IQGAP2: variants seen among roughly 807,000 people sequenced by gnomAD.
IQGAP2 encodes ras GTPase-activating-like protein IQGAP2.
A neutral mutation model predicts 201.3 loss-of-function variants in IQGAP2; 173 were observed. The observed-to-expected ratio is 0.86, with a 90% CI of 0.76 to 0.98. The LOEUF is 0.98. Among genes scored for constraint, IQGAP2 ranks in the 50% least tolerant of loss-of-function variants. IQGAP2 has a pLI of 0.00. For missense variants in IQGAP2, 1,687 were observed against 1,864.8 expected (o/e 0.90, Z 1.76); for synonymous variants, 675 against 673.9 (o/e 1.00, Z -0.03).
chr5:76,597,750 A>G, intron 10 of IQGAP2, 148 bp downstream of exon 10: 1 of 739,620 alleles, frequency 1.4e-6, no homozygotes, highest in East Asian at 2.7e-5. Context: ...ACCAATTCCA[A>G]GGCCTTCTTC....
chr5:76,516,172 G>T (rs748094423), intron 2 of IQGAP2, among the ~76,000 whole-genome samples: 30 of 152,054 alleles, frequency 2.0e-4, no homozygotes, highest in Non-Finnish European at 4.0e-4. Flanking sequence ...ACTACACCCA[G>T]CCAGGGATGA....
At chr5:76,684,854 T>TA (rs1745603329) in intron 30 of IQGAP2, among the ~76,000 whole-genome samples, 1 of 152,086 alleles carries the variant, frequency 6.6e-6, no homozygotes, top group African/African-American at 2.4e-5. Flanking sequence ...TTTTTTTTTT[T>TA]AAACATTCAA....
At chr5:76,581,534 C>T (rs1240652209) in intron 5 of IQGAP2, among the ~76,000 whole-genome samples, 1 of 152,192 alleles carries the variant, frequency 6.6e-6, no homozygotes, top group Non-Finnish European at 1.5e-5. Context: ...CCCTTTCCTC[C>T]TCTTTCTGTC....
chr5:76,598,972 A>G (rs768893379), intron 10 of IQGAP2, among the ~76,000 whole-genome samples: 1 of 152,206 alleles, frequency 6.6e-6, no homozygotes, highest in Non-Finnish European at 1.5e-5. Context: ...AAAGAAAGTG[A>G]AGTCAGTTAT....
intron 1 of IQGAP2, among the ~76,000 whole-genome samples, chr5:76,447,061 T>A (rs77891660): frequency 6.6e-6 from 1 of 152,222 alleles, no homozygotes; most frequent in African/African-American, 2.4e-5. Flanking sequence ...GGTAGTAACA[T>A]GGGGCATAGC....
chr5:76,427,485 C>T (rs1285968969), intron 1 of IQGAP2, among the ~76,000 whole-genome samples: 1 of 152,140 alleles, frequency 6.6e-6, no homozygotes, highest in Non-Finnish European at 1.5e-5. Context: ...GGTCTTTCTG[C>T]CGGGAATAGG....
At chr5:76,555,497 G>T (rs1205973923) in intron 2 of IQGAP2, among the ~76,000 whole-genome samples, 3 of 152,152 alleles carry the variant, frequency 2.0e-5, no homozygotes, top group Non-Finnish European at 2.9e-5. Context: ...CATTGTGATT[G>T]TTACAGGAAG....
At chr5:76,446,915 C>T (rs1356243566) in intron 1 of IQGAP2, among the ~76,000 whole-genome samples, 1 of 152,104 alleles carries the variant, frequency 6.6e-6, no homozygotes, top group African/African-American at 2.4e-5. Context: ...TTCCCTCTGG[C>T]CTGTGTTTTC....
chr5:76,548,528 T>A (rs138529018), intron 2 of IQGAP2, among the ~76,000 whole-genome samples: 1 of 152,340 alleles, frequency 6.6e-6, no homozygotes, highest in Non-Finnish European at 1.5e-5. Context: ...TTAAGTGATT[T>A]GTCAGAGCAG....
intron 1 of IQGAP2, among the ~76,000 whole-genome samples, chr5:76,428,502 A>G (rs1286116369): frequency 6.7e-6 from 1 of 149,054 alleles, no homozygotes; most frequent in Non-Finnish European, 1.5e-5. Context: ...CAATGGCGCA[A>G]TCTCTGCAAC....
intron 30 of IQGAP2, among the ~76,000 whole-genome samples, chr5:76,684,787 C>T (rs1019201915): frequency 1.2e-4 from 18 of 152,112 alleles, no homozygotes; most frequent in Admixed American, 3.3e-4. Context: ...TCTCCTGCCA[C>T]TGATGTGCTG....
chr5:76,408,205 T>G (rs1750902971), intron 1 of IQGAP2, among the ~76,000 whole-genome samples: 1 of 152,176 alleles, frequency 6.6e-6, no homozygotes, highest in African/African-American at 2.4e-5. Context: ...ATGCTTACCA[T>G]GTCTTCATGG....
intron 3 of IQGAP2, among the ~76,000 whole-genome samples, chr5:76,565,933 C>T (rs1197664646): frequency 3.3e-5 from 5 of 152,126 alleles, no homozygotes; most frequent in Non-Finnish European, 7.4e-5. Context: ...GGAAGCGGTA[C>T]TCTTAATAAA....
chr5:76,498,422 T>C (rs1757102734), intron 2 of IQGAP2, among the ~76,000 whole-genome samples: 1 of 152,204 alleles, frequency 6.6e-6, no homozygotes, highest in African/African-American at 2.4e-5. Flanking sequence ...CCTGAGGTCA[T>C]GTCACACTTC....
chr5:76,416,672 C>T (rs369658748), intron 1 of IQGAP2, among the ~76,000 whole-genome samples: 7 of 152,136 alleles, frequency 4.6e-5, no homozygotes, highest in South Asian at 4.2e-4. Flanking sequence ...GGACTACAGG[C>T]GCATGCCACC....
At chr5:76,548,455 G>A (rs144569921) in intron 2 of IQGAP2, among the ~76,000 whole-genome samples, 1 of 152,220 alleles carries the variant, frequency 6.6e-6, no homozygotes, top group Admixed American at 6.5e-5. Flanking sequence ...TTCACCTAAG[G>A]CTTCTGCTTA....
chr5:76,592,974 A>G, intron 9 of IQGAP2, 49 bp downstream of exon 9: 1 of 1,250,646 alleles, frequency 8.0e-7, no homozygotes, highest in Non-Finnish European at 1.2e-6. Flanking sequence ...TAAGATACAG[A>G]CTTTCCTTGC....
chr5:76,689,286 G>A (rs1190077004), intron 30 of IQGAP2, among the ~76,000 whole-genome samples: 6 of 132,242 alleles, frequency 4.5e-5, no homozygotes, highest in African/African-American at 8.6e-5. Flanking sequence ...AAACCTAGTC[G>A]AGGGGTCTTA....
intron 1 of IQGAP2, among the ~76,000 whole-genome samples, chr5:76,410,445 G>T (rs1303124314): frequency 1.3e-5 from 2 of 152,172 alleles, no homozygotes; most frequent in Admixed American, 6.5e-5. Flanking sequence ...AGAGACATGG[G>T]TGAGTGGCCC....
Sources: allele counts gnomAD v4.1 joint callset (sites outside exome capture counted in the v4.1 genomes callset), GRCh38; gene constraint gnomAD v4.1.1; transcripts MANE v1.5; gene names NCBI Gene and HGNC (gene_info 2026-07-23, HGNC 2026-07-21).